Variants in ZNF804B observed in about 807,000 individuals in gnomAD.
ZNF804B encodes the protein zinc finger 804B.
In ZNF804B, 80 loss-of-function variants were observed where a neutral mutation model predicts 101.4. The ratio of observed to expected loss-of-function variants is 0.79; its 90% CI spans 0.66 to 0.95. The LOEUF is 0.95. ZNF804B is among the 40% of genes least tolerant of loss of function. ZNF804B has a pLI of 0.00. For synonymous variants in ZNF804B, 622 were observed against 558.8 expected (o/e 1.11, Z -1.59); for missense variants, 1,673 against 1,561.9 (o/e 1.07, Z -1.20).
At chr7:88,908,019 TAGTC>T (rs1327766262) in intron 1 of ZNF804B, among the ~76,000 whole-genome samples, 10 of 151,838 alleles carry the variant, frequency 6.6e-5, no homozygotes, top group African/African-American at 2.4e-4. Context: ...ATTCCTTAGT[TAGTC>T]AGTTAATCAA....
At chr7:89,107,519 T>C (rs1790152669) in intron 1 of ZNF804B, among the ~76,000 whole-genome samples, 1 of 152,152 alleles carries the variant, frequency 6.6e-6, no homozygotes, top group African/African-American at 2.4e-5. Context: ...CTGAGAATAA[T>C]AACTTCACAT....
chr7:89,289,671 T>G (rs1790256921), intron 2 of ZNF804B, among the ~76,000 whole-genome samples: 1 of 152,148 alleles, frequency 6.6e-6, no homozygotes, highest in African/African-American at 2.4e-5. Flanking sequence ...AGACCAGCCC[T>G]ACACGAAGGG....
chr7:88,771,028 A>G (rs1229601057), intron 1 of ZNF804B, among the ~76,000 whole-genome samples: 1 of 152,230 alleles, frequency 6.6e-6, no homozygotes, highest in African/African-American at 2.4e-5. Flanking sequence ...TGGTAAACTC[A>G]GTACAACACT....
chr7:89,022,869 T>C (rs1788689357), intron 1 of ZNF804B, among the ~76,000 whole-genome samples: 1 of 152,172 alleles, frequency 6.6e-6, no homozygotes, highest in South Asian at 2.1e-4. Flanking sequence ...TCGAATATTT[T>C]AAGGACTCCA....
At chr7:89,053,105 A>C (rs954016667) in intron 1 of ZNF804B, among the ~76,000 whole-genome samples, 22 of 152,132 alleles carry the variant, frequency 1.4e-4, no homozygotes, top group African/African-American at 4.3e-4. Context: ...TATTGTTTTT[A>C]TAAAATTAAA....
At chr7:88,899,892 A>G (rs1792362349) in intron 1 of ZNF804B, among the ~76,000 whole-genome samples, 1 of 152,190 alleles carries the variant, frequency 6.6e-6, no homozygotes, top group Non-Finnish European at 1.5e-5. Flanking sequence ...GGTAGTTTAC[A>G]TATTTTATGA....
At chr7:88,877,924 T>C (rs1016602280) in intron 1 of ZNF804B, among the ~76,000 whole-genome samples, 1 of 152,102 alleles carries the variant, frequency 6.6e-6, no homozygotes, top group East Asian at 1.9e-4. Flanking sequence ...CTTACAAAAA[T>C]AGAGGTTTTG....
chr7:89,273,980 T>C (rs545943377), intron 2 of ZNF804B, among the ~76,000 whole-genome samples: 2 of 152,188 alleles, frequency 1.3e-5, no homozygotes, highest in East Asian at 3.9e-4. Context: ...CTGTTTCAGA[T>C]AACAGTCTTT....
chr7:89,169,296 G>A (rs2116431007), intron 1 of ZNF804B, among the ~76,000 whole-genome samples: 1 of 152,260 alleles, frequency 6.6e-6, no homozygotes. Context: ...TCCCATAGGG[G>A]ACCCAAGGGG....
rs138217745 is a variant in ZNF804B at position 89,167,107 on chromosome 7, A to G, written c.109-51048A>G. 3.4e-3 allele frequency among the ~76,000 whole-genome samples: 515 copies of G among 151,860 alleles called. 6 individuals carry two copies. Among genetic ancestry groups the G allele is most frequent in the Middle Eastern group, 0.027 (8 of 294 alleles). On this transcript the variant is annotated intron_variant, in intron 1 of 3. Transcript: ENST00000333190. ...TTTTCCTTTTTATATATATTCTTAG[A>G]CTATGTGGTTTGTCTGCTAGTTTTT...
At chr7:89,191,887 G>C (rs1036473683) in intron 1 of ZNF804B, among the ~76,000 whole-genome samples, 1 of 152,008 alleles carries the variant, frequency 6.6e-6, no homozygotes, top group Non-Finnish European at 1.5e-5. Context: ...CGTAAGAATA[G>C]CTTACATGTT....
intron 1 of ZNF804B, among the ~76,000 whole-genome samples, chr7:88,955,860 G>T (rs571558721): frequency 2.0e-5 from 3 of 151,302 alleles, no homozygotes; most frequent in East Asian, 2.0e-4. Context: ...ATCCAACTAG[G>T]GACTAATATC....
chr7:89,089,240 G>T (rs973016445), intron 1 of ZNF804B, among the ~76,000 whole-genome samples: 2 of 151,664 alleles, frequency 1.3e-5, no homozygotes, highest in Non-Finnish European at 2.9e-5. Context: ...CTTGAACAAG[G>T]AATTCTTCAG....
At chr7:88,928,869 T>C (rs1528932) in intron 1 of ZNF804B, among the ~76,000 whole-genome samples, 26,550 of 152,062 alleles carry the variant, frequency 0.17, 2,557 homozygotes, top group South Asian at 0.25. Context: ...GTTATTATTA[T>C]TGACTAATCA....
chr7:89,006,039 G>C (rs1004962798), intron 1 of ZNF804B, among the ~76,000 whole-genome samples: 1 of 152,044 alleles, frequency 6.6e-6, no homozygotes, highest in Admixed American at 6.6e-5. Flanking sequence ...AATGGTTTTT[G>C]TAATTAGATT....
rs555623726 is a variant in ZNF804B at position 89,163,058 on chromosome 7, T to C, written c.109-55097T>C. Reference sequence around the variant, plus strand: ...ATGGTGTATATGTGCCACATTTTCTTAATCCAGAACTTTTATAGTTAAAGC... The same window carrying C: ...ATGGTGTATATGTGCCACATTTTCTCAATCCAGAACTTTTATAGTTAAAGC... On this transcript the variant is annotated intron_variant, in intron 1 of 3. Coordinates refer to ENST00000333190, the MANE Select transcript of ZNF804B (RefSeq NM_181646.5). 2.1e-3 allele frequency among the ~76,000 whole-genome samples: 319 copies of C among 152,220 alleles called. 2 individuals are homozygous for C. The highest frequency in any genetic ancestry group is 4.5e-3 in the Admixed American group (69 of 15,262).
intron 2 of ZNF804B, among the ~76,000 whole-genome samples, chr7:89,276,413 G>A (rs978162479): frequency 6.6e-6 from 1 of 151,800 alleles, no homozygotes; most frequent in African/African-American, 2.4e-5. Flanking sequence ...TGTTACACTG[G>A]TTCAGAATAA....
chr7:88,895,067 TG>T (rs1017260364), intron 1 of ZNF804B, among the ~76,000 whole-genome samples: 4 of 152,160 alleles, frequency 2.6e-5, no homozygotes, highest in South Asian at 2.1e-4. Flanking sequence ...ATCTCACTGA[TG>T]GGGGTATAGA....
intron 2 of ZNF804B, among the ~76,000 whole-genome samples, chr7:89,319,799 T>A (rs975437635): frequency 2.0e-5 from 3 of 152,118 alleles, no homozygotes; most frequent in Admixed American, 1.3e-4. Flanking sequence ...TGGACACTGA[T>A]CTTAAATAAA....
Sources: gnomAD v4.1 joint callset for allele counts (sites outside exome capture counted in the v4.1 genomes callset) on GRCh38, gnomAD v4.1.1 for gene constraint, MANE v1.5 for transcripts, NCBI Gene and HGNC (gene_info 2026-07-23, HGNC 2026-07-21) for gene names.